The following SCN11A variants were observed in gnomAD, a reference collection of about 807,000 sequenced individuals.
The protein encoded by SCN11A is sodium channel protein type 11 subunit alpha.
Under a neutral mutation model 162.2 loss-of-function variants are expected in SCN11A, and 122 were observed. The observed-to-expected ratio is 0.75, with a 90% CI of 0.65 to 0.87. The LOEUF (loss-of-function observed/expected upper bound fraction) is 0.87, where lower values mean the gene tolerates loss of function less well. Among genes scored for constraint, SCN11A ranks in the 40% least tolerant of loss-of-function variants. SCN11A has a pLI of 0.00. For synonymous variants in SCN11A, 758 were observed against 751.5 expected (o/e 1.01, Z -0.14); for missense variants, 2,015 against 2,181.6 (o/e 0.92, Z 1.52).
chr3:38,946,936 AAC>A lies in SCN11A; in HGVS notation c.268-31_268-30del, dbSNP rs766347193. On this transcript the variant is annotated intron_variant, in intron 5 of 29. Transcript: ENST00000302328. ...CAAAACAAAAAAAACAATACAAGAA[AAC>A]ACACACATACACAACAGGAATTAAA... 2.3e-6 allele frequency: 3 copies of A among 1,282,658 alleles called. No homozygotes were observed. The Admixed American group carries it at 5.7e-5, about 24-fold the overall frequency. The allele number at this position is 1,282,658 out of a possible 1,614,324, so 79.5% of individuals were successfully genotyped here.
At chr3:38,906,374 C>A (rs1204801089) in intron 14 of SCN11A, among the ~76,000 whole-genome samples, 1 of 152,074 alleles carries the variant, frequency 6.6e-6, no homozygotes, top group Non-Finnish European at 1.5e-5. Flanking sequence ...CATTTCTGCA[C>A]ATCACGCTGC....
intron 11 of SCN11A, among the ~76,000 whole-genome samples, chr3:38,917,740 A>G (rs540727625): frequency 6.6e-6 from 1 of 152,274 alleles, no homozygotes; most frequent in African/African-American, 2.4e-5. Context: ...TGGGTGATGA[A>G]ATAATCTGTA....
In SCN11A at chr3:38,847,053, G is replaced by C. The variant is rs201287323; in HGVS notation, c.5017C>G (p.Pro1673Ala). 27 of 1,614,056 alleles carry C rather than the reference G, an allele frequency of 1.7e-5. No individual in the cohort carries two copies. The highest frequency in any genetic ancestry group is 2.1e-5 in the Non-Finnish European group (25 of 1,180,002). The change falls in exon 30 of 30, where the codon CCC (proline) becomes GCC (alanine). Residue 1673 changes from proline to alanine, a missense_variant. Transcript: ENST00000302328. ...TGGAGGCGATCTTCACTCACCATGG[G>C]CAAGTCCATTACTAGAAATTGATAT... ...NKYQFLVMDLPMVSEDRLHCM... is the reference protein window; with the variant it reads ...NKYQFLVMDLAMVSEDRLHCM...
intron 2 of SCN11A, among the ~76,000 whole-genome samples, chr3:39,029,177 G>C (rs1287964176): frequency 6.6e-6 from 1 of 152,060 alleles, no homozygotes; most frequent in Non-Finnish European, 1.5e-5. Flanking sequence ...CTCTGAAGGG[G>C]TTATACCAAT....
rs375940173 is a variant in SCN11A, at chr3:38,865,694, AT to A, written c.3951+1626del. 3.6e-4 allele frequency among the ~76,000 whole-genome samples: 55 copies of A among 152,320 alleles called. 1 individual carries two copies. In the East Asian group the frequency reaches 0.01, roughly 28 times the overall value. The stretch of plus-strand genomic sequence containing the variant: ...ATAAGTTAAATATGTTATTACAAAA[AT>A]ATAAGATGCATGTCACAAATTGGAC... On this transcript the variant is annotated intron_variant, in intron 27 of 29. Transcript: ENST00000302328.
Position 38,921,163 on chromosome 3 carries a change from G to A in SCN11A, c.805C>T (p.Leu269=), listed in dbSNP as rs2066044955. ...LTFFCLSIFA[L]VGQQLFMGSL... ...CCCATGAAGAGCTGCTGACCTACCA[G>A]GGCAAAGATGCTGAGGCAAAAGAAG... The change falls in exon 10 of 30, where the codon CTG becomes TTG. Residue 269 remains leucine, a synonymous_variant. Coordinates refer to ENST00000302328, the MANE Select transcript of SCN11A (RefSeq NM_001349253.2). 1 of 1,614,120 alleles carries A rather than the reference G, an allele frequency of 6.2e-7. No individual in the cohort carries two copies. The highest frequency in any genetic ancestry group is 2.2e-5 in the East Asian group (1 of 44,894).
chr3:38,858,140 C>T (rs1406089937), intron 28 of SCN11A, among the ~76,000 whole-genome samples: 2 of 152,056 alleles, frequency 1.3e-5, no homozygotes, highest in African/African-American at 4.8e-5. Context: ...ATTTAGGCAA[C>T]AACTAACATG....
At chr3:38,905,990 G>A (rs2065786270) in intron 14 of SCN11A, among the ~76,000 whole-genome samples, 1 of 152,130 alleles carries the variant, frequency 6.6e-6, no homozygotes, top group African/African-American at 2.4e-5. Flanking sequence ...ATTTTCCAAG[G>A]GTTCCGACTC....
intron 28 of SCN11A, among the ~76,000 whole-genome samples, chr3:38,862,306 T>A (rs1417833292): frequency 6.6e-6 from 1 of 152,050 alleles, no homozygotes; most frequent in Non-Finnish European, 1.5e-5. Flanking sequence ...TAAACTAGTA[T>A]AACCATTATG....
intron 19 of SCN11A, 112 bp downstream of exon 19, chr3:38,894,421 C>T (rs866851428): frequency 1.1e-4 from 99 of 891,500 alleles, no homozygotes; most frequent in African/African-American, 9.0e-4. Context: ...AGGGCAGCCA[C>T]GTTTTGTACC....
At chr3:38,877,951 C>A (rs904784406) in intron 23 of SCN11A, among the ~76,000 whole-genome samples, 14 of 151,378 alleles carry the variant, frequency 9.2e-5, no homozygotes, top group African/African-American at 3.2e-4. Flanking sequence ...TATGTTCTTA[C>A]TCATAAGAGA....
chr3:38,860,488 C>T (rs1450625694), intron 28 of SCN11A, among the ~76,000 whole-genome samples: 1 of 152,038 alleles, frequency 6.6e-6, no homozygotes, highest in Non-Finnish European at 1.5e-5. Context: ...TGCAAAAATA[C>T]TCAAAAAATA....
intron 11 of SCN11A, among the ~76,000 whole-genome samples, chr3:38,918,567 T>C (rs1005208492): frequency 1.3e-5 from 2 of 152,192 alleles, no homozygotes; most frequent in African/African-American, 4.8e-5. Flanking sequence ...AAAAATTATC[T>C]TCCATGAAAT....
intron 19 of SCN11A, among the ~76,000 whole-genome samples, chr3:38,888,421 A>G (rs2065438153): frequency 1.3e-5 from 2 of 152,256 alleles, no homozygotes; most frequent in African/African-American, 4.8e-5. Context: ...ACTAAAGATG[A>G]GCTTTTAAGC....
intron 22 of SCN11A, among the ~76,000 whole-genome samples, chr3:38,880,921 G>C (rs1030428850): frequency 2.6e-5 from 4 of 152,128 alleles, no homozygotes; most frequent in African/African-American, 9.7e-5. Flanking sequence ...TGAAAGAAAG[G>C]AAGACGGCCT....
chr3:39,013,338 T>C (rs1373725152), intron 2 of SCN11A, among the ~76,000 whole-genome samples: 1 of 152,330 alleles, frequency 6.6e-6, no homozygotes, highest in East Asian at 1.9e-4. Context: ...TACATAAAAT[T>C]TGTATATGCC....
At chr3:38,945,137 T>C (rs1266126939) in intron 7 of SCN11A, among the ~76,000 whole-genome samples, 3 of 152,192 alleles carry the variant, frequency 2.0e-5, no homozygotes, top group Admixed American at 6.5e-5. Context: ...GTGAAGTACA[T>C]TATGGTTTAT....
Position 38,908,165 on chromosome 3 carries a change from C to G in SCN11A, c.1300-43G>C, listed in dbSNP as rs370349939. On this transcript the variant is annotated intron_variant, in intron 13 of 29. Coordinates refer to ENST00000302328, the MANE Select transcript of SCN11A (RefSeq NM_001349253.2). The stretch of plus-strand genomic sequence containing the variant: ...GCAATTAAAGAACAGATTACACCTC[C>G]TCATGAAACATTGCAAATGACCCCG... 39 of 1,560,526 alleles carry G rather than the reference C, an allele frequency of 2.5e-5. No individual in the cohort carries two copies. In the African/African-American group the frequency reaches 5.0e-4, roughly 20 times the overall value.
intron 2 of SCN11A, among the ~76,000 whole-genome samples, chr3:39,007,406 C>T (rs2031009351): frequency 6.6e-6 from 1 of 152,132 alleles, no homozygotes; most frequent in Admixed American, 6.6e-5. Context: ...CCCTTGGAAT[C>T]TCCAGAGTGA....
Sources: allele counts gnomAD v4.1 joint callset (sites outside exome capture counted in the v4.1 genomes callset), GRCh38; gene constraint gnomAD v4.1.1; transcripts MANE v1.5; gene names NCBI Gene and HGNC (gene_info 2026-07-23, HGNC 2026-07-21).